The following SEMA6D variants were observed in gnomAD, a reference collection of about 807,000 sequenced individuals.
The protein encoded by SEMA6D is semaphorin 6D, also known as semaphorin-6D.
Under a neutral mutation model 106.6 loss-of-function variants are expected in SEMA6D, and 35 were observed. The observed-to-expected ratio is 0.33, with a 90% confidence interval of 0.25 to 0.44. The LOEUF (loss-of-function observed/expected upper bound fraction) is 0.44. SEMA6D is among the 20% of genes least tolerant of loss of function. The pLI, the probability that SEMA6D is intolerant of heterozygous loss-of-function variation, is 1.00. For synonymous variants in SEMA6D, 499 were observed against 487.7 expected (o/e 1.02, Z -0.31); for missense variants, 1,185 against 1,345.9 (o/e 0.88, Z 1.87).
At chr15:47,234,249 G>C (rs978160845) in intron 1 of SEMA6D, among the ~76,000 whole-genome samples, 3 of 151,936 alleles carry the variant, frequency 2.0e-5, no homozygotes, top group African/African-American at 7.2e-5. Context: ...AGACCTCTAG[G>C]CTCTGTGAAA....
At chr15:47,343,248 T>TTATTATTATTATTATTA (rs1555425175) in intron 1 of SEMA6D, among the ~76,000 whole-genome samples, 292 of 146,140 alleles carry the variant, frequency 2.0e-3, no homozygotes, top group South Asian at 3.8e-3. Flanking sequence ...TAGTTGGATT[T>TTATTATTATTATTATTA]TTATTATTAT....
At chr15:47,729,282 C>T (rs1447028645) in intron 1 of SEMA6D, among the ~76,000 whole-genome samples, 2 of 152,200 alleles carry the variant, frequency 1.3e-5, no homozygotes, top group African/African-American at 4.8e-5. Context: ...AAACATTGAC[C>T]TCCTGATCTT....
intron 3 of SEMA6D, among the ~76,000 whole-genome samples, chr15:47,502,914 T>C (rs1449332900): frequency 2.0e-5 from 3 of 152,342 alleles, no homozygotes; most frequent in African/African-American, 7.2e-5. Flanking sequence ...AACTGTGATC[T>C]TCCCTCTCCT....
chr15:47,382,817 A>G (rs532631129), intron 1 of SEMA6D, among the ~76,000 whole-genome samples: 23 of 152,274 alleles, frequency 1.5e-4, no homozygotes, highest in African/African-American at 3.8e-4. Flanking sequence ...GCCCAGGCTG[A>G]AGTGCAGTGG....
chr15:47,274,700 ACT>A (rs1273552642), intron 1 of SEMA6D: 2 of 152,040 alleles, frequency 1.3e-5, no homozygotes, highest in African/African-American at 4.8e-5. Flanking sequence ...TGTTGCCTTC[ACT>A]CTCTGCCTCA....
intron 1 of SEMA6D, among the ~76,000 whole-genome samples, chr15:47,335,922 A>C (rs1357676652): frequency 6.6e-6 from 1 of 152,164 alleles, no homozygotes; most frequent in Non-Finnish European, 1.5e-5. Context: ...CCCCCAGCAT[A>C]AAAGGGCCTT....
chr15:47,248,780 G>A (rs1304426782), intron 1 of SEMA6D, among the ~76,000 whole-genome samples: 1 of 152,182 alleles, frequency 6.6e-6, no homozygotes, highest in Non-Finnish European at 1.5e-5. Context: ...AGAGATAACA[G>A]TGGCCTCTAA....
At chr15:47,277,048 C>G (rs532851533) in intron 1 of SEMA6D, among the ~76,000 whole-genome samples, 1 of 152,062 alleles carries the variant, frequency 6.6e-6, no homozygotes, top group Non-Finnish European at 1.5e-5. Context: ...AGCAATAGAA[C>G]TAGAATTATT....
At chr15:47,619,933 TTTA>T (rs143981711) in intron 4 of SEMA6D, among the ~76,000 whole-genome samples, 5,306 of 152,206 alleles carry the variant, frequency 0.035, 121 homozygotes, top group Non-Finnish European at 0.046. Flanking sequence ...AAGCTTAGAT[TTTA>T]TTATTTTAAT....
At chr15:47,260,134 A>C (rs1397063400) in intron 1 of SEMA6D, among the ~76,000 whole-genome samples, 1 of 152,070 alleles carries the variant, frequency 6.6e-6, no homozygotes. Context: ...GATTTTTTAA[A>C]AATATTATAC....
chr15:47,760,859 A>G (rs1313366699), intron 3 of SEMA6D, 119 bp from the exon 4 acceptor site: 5 of 877,024 alleles, frequency 5.7e-6, no homozygotes, highest in African/African-American at 1.7e-5. Context: ...TGTTTGAGAC[A>G]GAGAAAATCC....
chr15:47,277,766 C>A (rs2034899438), intron 1 of SEMA6D, among the ~76,000 whole-genome samples: 1 of 151,774 alleles, frequency 6.6e-6, no homozygotes, highest in African/African-American at 2.4e-5. Context: ...TCCCCCCTCC[C>A]CACACCCCAC....
chr15:47,407,403 C>CAAAAA (rs1462088729), intron 1 of SEMA6D, among the ~76,000 whole-genome samples: 16 of 82,238 alleles, frequency 1.9e-4, no homozygotes, highest in Non-Finnish European at 3.1e-4. Context: ...ACAACAACAA[C>CAAAAA]AACAACAAAA....
chr15:47,246,560 C>A (rs143836918), intron 1 of SEMA6D, among the ~76,000 whole-genome samples: 77 of 152,296 alleles, frequency 5.1e-4, no homozygotes, highest in African/African-American at 1.8e-3. Context: ...AAACTACTTA[C>A]ATTCCTTGAC....
intron 1 of SEMA6D, among the ~76,000 whole-genome samples, chr15:47,363,376 T>G (rs2038883666): frequency 6.6e-6 from 1 of 152,166 alleles, no homozygotes; most frequent in Non-Finnish European, 1.5e-5. Flanking sequence ...GCGGGGTCTA[T>G]GAATTTGAGT....
At chr15:47,576,788 A>G (rs1424793118) in intron 3 of SEMA6D, among the ~76,000 whole-genome samples, 1 of 152,178 alleles carries the variant, frequency 6.6e-6, no homozygotes, top group East Asian at 1.9e-4. Context: ...TGTCCAGACT[A>G]TGTCTTCCAA....
intron 3 of SEMA6D, among the ~76,000 whole-genome samples, chr15:47,552,891 A>ATTTTTATATATATATAAATATATATAAAT (rs2045790546): frequency 4.3e-4 from 15 of 35,290 alleles, no homozygotes; most frequent in African/African-American, 1.5e-3. Context: ...AATATATATA[A>ATTTTTATATATATATAAATATATATAAAT]ATATATATAT....
intron 4 of SEMA6D, among the ~76,000 whole-genome samples, chr15:47,704,324 TACC>T: frequency 6.6e-6 from 1 of 152,286 alleles, no homozygotes; most frequent in South Asian, 2.1e-4. Context: ...TGTTAATATA[TACC>T]ATCACTTTAT....
chr15:47,583,580 C>T (rs1011827930), intron 3 of SEMA6D, among the ~76,000 whole-genome samples: 1 of 152,134 alleles, frequency 6.6e-6, no homozygotes, highest in Admixed American at 6.5e-5. Context: ...AGACATGGCC[C>T]TCTTTTAAAA....
Sources: gnomAD v4.1 joint callset for allele counts (sites outside exome capture counted in the v4.1 genomes callset) on GRCh38, gnomAD v4.1.1 for gene constraint, MANE v1.5 for transcripts, NCBI Gene and HGNC (gene_info 2026-07-23, HGNC 2026-07-21) for gene names.